KCTD16: variants seen among roughly 807,000 people sequenced by gnomAD.
KCTD16 encodes BTB/POZ domain-containing protein KCTD16.
KCTD16 carries 13 observed loss-of-function variants against 33.2 expected under a neutral mutation model. The ratio of observed to expected loss-of-function variants is 0.39; its 90% confidence interval spans 0.25 to 0.62. The LOEUF is 0.62. Among genes scored for constraint, KCTD16 ranks in the 20% least tolerant of loss-of-function variants. The pLI, the probability that KCTD16 is intolerant of heterozygous loss-of-function variation, is 0.50. For synonymous variants in KCTD16, 197 were observed against 195.3 expected, an observed-to-expected ratio of 1.01 and a Z score of -0.07; for missense variants, 441 against 525.1, an observed-to-expected ratio of 0.84 and a Z score of 1.57.
intron 3 of KCTD16, among the ~76,000 whole-genome samples, chr5:144,241,254 A>G (rs1754396055): frequency 6.6e-6 from 1 of 152,176 alleles, no homozygotes; most frequent in Non-Finnish European, 1.5e-5. Flanking sequence ...GCAATTCCTG[A>G]CTTTACTCAT....
intron 3 of KCTD16, among the ~76,000 whole-genome samples, chr5:144,374,729 C>G (rs556663922): frequency 6.6e-6 from 1 of 152,186 alleles, no homozygotes; most frequent in East Asian, 1.9e-4. Flanking sequence ...TTGCATACTC[C>G]TAAGAAATGA....
intron 3 of KCTD16, among the ~76,000 whole-genome samples, chr5:144,316,822 A>G (rs1293102812): frequency 1.7e-5 from 2 of 119,760 alleles, no homozygotes; most frequent in African/African-American, 6.7e-5. Context: ...CCTGGCCAGC[A>G]TCCCTTTTTT....
At chr5:144,276,277 C>T (rs967396035) in intron 3 of KCTD16, among the ~76,000 whole-genome samples, 1 of 152,076 alleles carries the variant, frequency 6.6e-6, no homozygotes, top group East Asian at 1.9e-4. Context: ...TGTCTCTCAA[C>T]AATATCTCTT....
intron 3 of KCTD16, 81 bp downstream of exon 3, chr5:144,207,627 A>G: frequency 2.0e-6 from 2 of 987,218 alleles, no homozygotes; most frequent in Non-Finnish European, 1.5e-6. Flanking sequence ...TTCTCTCCAT[A>G]CCTAAGGAAC....
chr5:144,239,922 A>G (rs992327278), intron 3 of KCTD16, among the ~76,000 whole-genome samples: 1 of 152,154 alleles, frequency 6.6e-6, no homozygotes, highest in East Asian at 1.9e-4. Context: ...TTGGAAATGT[A>G]AAATGCATAG....
At chr5:144,444,372 A>G (rs1321211164) in intron 3 of KCTD16, among the ~76,000 whole-genome samples, 1 of 152,032 alleles carries the variant, frequency 6.6e-6, no homozygotes. Flanking sequence ...TTTCAAGTAA[A>G]TATGTGTTTA....
At chr5:144,387,725 T>C (rs1752356147) in intron 3 of KCTD16, among the ~76,000 whole-genome samples, 1 of 152,172 alleles carries the variant, frequency 6.6e-6, no homozygotes, top group Non-Finnish European at 1.5e-5. Context: ...TAGGTGTAGC[T>C]TTCAAAATGG....
At chr5:144,371,496 G>T in intron 3 of KCTD16, among the ~76,000 whole-genome samples, 1 of 152,246 alleles carries the variant, frequency 6.6e-6, no homozygotes, top group Middle Eastern at 3.4e-3. Flanking sequence ...TGTAAGATGA[G>T]TATGTGTTAT....
At chr5:144,322,070 T>C (rs1224503904) in intron 3 of KCTD16, among the ~76,000 whole-genome samples, 1 of 152,180 alleles carries the variant, frequency 6.6e-6, no homozygotes, top group Non-Finnish European at 1.5e-5. Context: ...TTTGTGAAAT[T>C]ACATCACATG....
chr5:144,231,698 C>T (rs6870736), intron 3 of KCTD16, among the ~76,000 whole-genome samples: 39 of 152,072 alleles, frequency 2.6e-4, no homozygotes, highest in African/African-American at 7.7e-4. Flanking sequence ...TGAATTTTCA[C>T]GAGATCTGAT....
chr5:144,184,043 G>A (rs573092039), intron 2 of KCTD16, among the ~76,000 whole-genome samples: 19 of 152,110 alleles, frequency 1.2e-4, no homozygotes, highest in Non-Finnish European at 2.2e-4. Context: ...CAGGTACTGT[G>A]ATGCCTACAG....
intron 3 of KCTD16, among the ~76,000 whole-genome samples, chr5:144,275,889 C>G (rs1755424979): frequency 6.6e-6 from 1 of 152,154 alleles, no homozygotes; most frequent in African/African-American, 2.4e-5. Context: ...AATATTCTTA[C>G]AACAAGCTGT....
At position 144,207,244 on chromosome 5, in the gene KCTD16, G is replaced by A. The variant is rs1419307782; in HGVS notation, c.530G>A (p.Gly177Asp). The change falls in exon 3 of 4, where the codon GGC (glycine) becomes GAC (aspartate). Residue 177 changes from glycine (G) to aspartate (D), a missense_variant. Around this residue, in one of 3 missense-constraint regions of KCTD16, gnomAD observed 355 missense variants for 413.0 expected, o/e 0.86. Transcript: ENST00000512467. ...TVGYRGSCTL[G>D]REGQADAKFR... ...GGTTACAGAGGATCCTGCACCTTGGGCAGAGAGGGACAGGCAGATGCCAAG... is the reference window on the plus strand; with the variant it reads ...GGTTACAGAGGATCCTGCACCTTGGACAGAGAGGGACAGGCAGATGCCAAG... 1 of 1,614,174 alleles carries A rather than the reference G, an allele frequency of 6.2e-7. No homozygotes were observed. Among genetic ancestry groups the A allele is most frequent in the South Asian group, 1.1e-5 (1 of 91,086 alleles).
At chr5:144,429,228 C>T (rs997551222) in intron 3 of KCTD16, among the ~76,000 whole-genome samples, 1 of 152,034 alleles carries the variant, frequency 6.6e-6, no homozygotes, top group Non-Finnish European at 1.5e-5. Flanking sequence ...ATGTATTTGT[C>T]AGTATTTTTC....
intron 3 of KCTD16, among the ~76,000 whole-genome samples, chr5:144,353,053 A>AAAGG (rs1294815465): frequency 1.3e-5 from 2 of 152,156 alleles, no homozygotes; most frequent in Admixed American, 1.3e-4. Context: ...GACCTGACAA[A>AAAGG]ATCTTAATTA....
chr5:144,178,053 C>T (rs1240888082), intron 2 of KCTD16, among the ~76,000 whole-genome samples: 2 of 152,100 alleles, frequency 1.3e-5, no homozygotes, highest in Non-Finnish European at 2.9e-5. Context: ...TAACACTTGT[C>T]CCAAAGTAAA....
intron 3 of KCTD16, among the ~76,000 whole-genome samples, chr5:144,301,915 A>G (rs1360106438): frequency 6.6e-6 from 1 of 152,240 alleles, no homozygotes; most frequent in Non-Finnish European, 1.5e-5. Context: ...ATTGTTTCTA[A>G]TGATAATGAC....
intron 3 of KCTD16, among the ~76,000 whole-genome samples, chr5:144,308,118 G>T (rs73295806): frequency 0.025 from 3,744 of 152,252 alleles, 173 homozygotes; most frequent in African/African-American, 0.085. Flanking sequence ...GCTTGGTTGG[G>T]GTACCAGGGC....
At chr5:144,414,762 A>G (rs1753008665) in intron 3 of KCTD16, among the ~76,000 whole-genome samples, 2 of 152,040 alleles carry the variant, frequency 1.3e-5, no homozygotes, top group South Asian at 4.2e-4. Flanking sequence ...CCAAATCTTA[A>G]GTGTGTTTTA....
Sources: allele counts gnomAD v4.1 joint callset (sites outside exome capture counted in the v4.1 genomes callset), GRCh38; gene constraint gnomAD v4.1.1; regional missense constraint gnomAD v4.1.1; transcripts MANE v1.5; gene names NCBI Gene and HGNC (gene_info 2026-07-23, HGNC 2026-07-21).